GFRA1: variants seen among roughly 807,000 people sequenced by gnomAD.
The protein encoded by GFRA1 is GDNF family receptor alpha-1.
Under a neutral mutation model 51.6 loss-of-function variants are expected in GFRA1, and 16 were observed. The observed-to-expected ratio is 0.31, with a 90% CI of 0.21 to 0.47. GFRA1 has a LOEUF of 0.47. Among genes scored for constraint, GFRA1 ranks in the 20% least tolerant of loss-of-function variants. The probability of loss-of-function intolerance (pLI) is 1.00; values close to 1 mark genes in which losing one functional copy is unlikely to be tolerated. For missense variants in GFRA1, 530 were observed against 594.3 expected, an observed-to-expected ratio of 0.89 and a Z score of 1.13; for synonymous variants, 270 against 241.3, an observed-to-expected ratio of 1.12 and a Z score of -1.10.
rs571239999 is a variant in GFRA1, at chr10:116,059,356, A to C, written c.*5042T>G. On this transcript the variant is annotated 3_prime_UTR_variant, in exon 11 of 11. Coordinates refer to ENST00000355422, the MANE Select transcript of GFRA1 (RefSeq NM_005264.8). ...GAAGAAAATTGGGGATTGGTAAGAAAGCCTAGCCTGAGAGGAAGAGAAGAA... is the reference window on the plus strand; with the variant it reads ...GAAGAAAATTGGGGATTGGTAAGAACGCCTAGCCTGAGAGGAAGAGAAGAA... 2.0e-5 allele frequency: 3 copies of C among 152,372 alleles called. No homozygotes were observed. The South Asian group carries it at 6.2e-4, about 32-fold the overall frequency. 9.4% of individuals were successfully genotyped at this position (152,372 alleles called of 1,614,324 possible). A position where few individuals can be genotyped will look rare whatever the true frequency, so the allele number is the denominator to read the frequency against.
chr10:116,141,162 G>A lies in GFRA1; in HGVS notation c.434-15605C>T, dbSNP rs1302724906. 2.0e-5 allele frequency among the ~76,000 whole-genome samples: 3 copies of A among 152,192 alleles called. No individual in the cohort carries two copies. In the East Asian group the frequency reaches 5.8e-4, roughly 29 times the overall value. Reference sequence around the variant, plus strand: ...GTTGAATGACAGTTACACCTCACACGATTCAGTAAATGGCTTGTGCTGGAT... The same window carrying A: ...GTTGAATGACAGTTACACCTCACACAATTCAGTAAATGGCTTGTGCTGGAT... On this transcript the variant is annotated intron_variant, in intron 5 of 10. Coordinates refer to ENST00000355422, the MANE Select transcript of GFRA1 (RefSeq NM_005264.8).
At chr10:116,143,483 A>G (rs182546220) in intron 5 of GFRA1, among the ~76,000 whole-genome samples, 1 of 152,282 alleles carries the variant, frequency 6.6e-6, no homozygotes, top group African/African-American at 2.4e-5. Context: ...GCCCAAGACA[A>G]TCTACAAACA....
chr10:116,061,131 G>A lies in GFRA1; in HGVS notation c.*3267C>T, dbSNP rs2133741439. 6.6e-6 allele frequency: 1 copy of A among 151,784 alleles called. No individual in the cohort carries two copies. Among genetic ancestry groups the A allele is most frequent in the African/African-American group, 2.4e-5 (1 of 41,460 alleles). The allele number at this position is 151,784 out of a possible 1,614,324, so 9.4% of individuals were successfully genotyped here. ...TCAGAGTGTATGCAAGACAGGAAGT[G>A]TCTGAATATGGACCAAATCAAAGGC... On this transcript the variant is annotated 3_prime_UTR_variant, in exon 11 of 11. Transcript: ENST00000355422.
intron 9 of GFRA1, among the ~76,000 whole-genome samples, chr10:116,082,477 T>G (rs1955892630): frequency 8.2e-6 from 1 of 122,120 alleles, no homozygotes. Flanking sequence ...TTTGTTTTTT[T>G]TGTTTTTTTT....
intron 5 of GFRA1, among the ~76,000 whole-genome samples, chr10:116,164,566 T>G (rs1381749115): frequency 6.6e-6 from 1 of 152,202 alleles, no homozygotes; most frequent in Non-Finnish European, 1.5e-5. Context: ...GTGAACGGTC[T>G]TCTGGAGAGA....
At chr10:116,117,117 G>T (rs1045236933) in intron 6 of GFRA1, among the ~76,000 whole-genome samples, 2 of 152,200 alleles carry the variant, frequency 1.3e-5, no homozygotes, top group African/African-American at 4.8e-5. Flanking sequence ...CCCTTGGGCT[G>T]GCCACTCCAC....
At chr10:116,266,237 T>C (rs1215708705) in intron 4 of GFRA1, among the ~76,000 whole-genome samples, 1 of 152,206 alleles carries the variant, frequency 6.6e-6, no homozygotes, top group Admixed American at 6.5e-5. Context: ...TGGATAAACA[T>C]GCTCTTCATG....
At chr10:116,072,775 C>CAA (rs575832760) in intron 9 of GFRA1, among the ~76,000 whole-genome samples, 16 of 151,830 alleles carry the variant, frequency 1.1e-4, no homozygotes, top group African/African-American at 3.1e-4. Flanking sequence ...CAAAACAAAA[C>CAA]AAAACAAAAA....
intron 5 of GFRA1, among the ~76,000 whole-genome samples, chr10:116,140,617 A>T (rs1276408652): frequency 6.6e-6 from 1 of 152,162 alleles, no homozygotes; most frequent in Non-Finnish European, 1.5e-5. Context: ...GAAATCTAAC[A>T]TATACTCTGA....
At chr10:116,194,644 AT>A (rs11372597) in intron 5 of GFRA1, among the ~76,000 whole-genome samples, 7 of 150,608 alleles carry the variant, frequency 4.6e-5, no homozygotes, top group East Asian at 2.0e-4. Context: ...AGCAACTTTA[AT>A]TTTTTTTTTG....
chr10:116,257,887 C>A (rs1470151275), intron 4 of GFRA1, among the ~76,000 whole-genome samples: 1 of 152,222 alleles, frequency 6.6e-6, no homozygotes, highest in Non-Finnish European at 1.5e-5. Context: ...ACCTGCTGCT[C>A]CAGCCACGGC....
At chr10:116,144,414 A>T (rs1369721795) in intron 5 of GFRA1, among the ~76,000 whole-genome samples, 1 of 152,186 alleles carries the variant, frequency 6.6e-6, no homozygotes, top group Non-Finnish European at 1.5e-5. Flanking sequence ...TAACTAAAAA[A>T]ATGATATGGG....
At chr10:116,180,480 AAAGG>A (rs1214706880) in intron 5 of GFRA1, among the ~76,000 whole-genome samples, 4 of 152,322 alleles carry the variant, frequency 2.6e-5, no homozygotes, top group African/African-American at 9.6e-5. Flanking sequence ...TACTAAATAA[AAAGG>A]ATGGTAACAG....
intron 9 of GFRA1, among the ~76,000 whole-genome samples, chr10:116,081,635 C>T (rs905646799): frequency 1.3e-5 from 2 of 152,152 alleles, no homozygotes; most frequent in African/African-American, 4.8e-5. Flanking sequence ...GAGGATTACT[C>T]AGGGGAGGCA....
At chr10:116,114,012 G>T (rs1030217554) in intron 6 of GFRA1, among the ~76,000 whole-genome samples, 10 of 152,144 alleles carry the variant, frequency 6.6e-5, no homozygotes, top group Non-Finnish European at 4.4e-5. Context: ...GAGCAACTCT[G>T]CCCCCGGGTG....
At position 116,057,509 on chromosome 10, in the gene GFRA1, C is replaced by A. The variant is rs1044662642; in HGVS notation, c.*6889G>T. On this transcript the variant is annotated 3_prime_UTR_variant, in exon 11 of 11. Coordinates refer to ENST00000355422, the MANE Select transcript of GFRA1 (RefSeq NM_005264.8). ...AAATGCAACACCATCCAAAAGAGTA[C>A]AAGAAAAAAACCCCACAGCCTAAAT... 2 of 152,052 alleles carry A rather than the reference C, an allele frequency of 1.3e-5. No homozygotes were observed. The highest frequency in any genetic ancestry group is 4.8e-5 in the African/African-American group (2 of 41,376). 9.4% of individuals were successfully genotyped at this position (152,052 alleles called of 1,614,324 possible).
At chr10:116,260,960 C>T (rs1969256033) in intron 4 of GFRA1, among the ~76,000 whole-genome samples, 1 of 152,188 alleles carries the variant, frequency 6.6e-6, no homozygotes, top group African/African-American at 2.4e-5. Context: ...CTTTTCCTTA[C>T]AGACAACCCT....
rs1218914310 is a variant in GFRA1, at chr10:116,093,109, G to A, written c.1015+593C>T. 3.3e-5 allele frequency among the ~76,000 whole-genome samples: 5 copies of A among 152,056 alleles called. No homozygotes were observed. The East Asian group carries it at 7.7e-4, about 24-fold the overall frequency. Reference sequence around the variant, plus strand: ...CTCCCTCCTCCCCAGTGCTTATCTCGCCTCCAGAGATAACGGGCATCCCGA... The same window carrying A: ...CTCCCTCCTCCCCAGTGCTTATCTCACCTCCAGAGATAACGGGCATCCCGA... On this transcript the variant is annotated intron_variant, in intron 8 of 10. Coordinates refer to ENST00000355422, the MANE Select transcript of GFRA1 (RefSeq NM_005264.8).
chr10:116,144,553 T>C (rs1057460383), intron 5 of GFRA1, among the ~76,000 whole-genome samples: 3 of 152,060 alleles, frequency 2.0e-5, no homozygotes, highest in South Asian at 2.1e-4. Flanking sequence ...CATAATATAA[T>C]ATTCATAATC....
Sources: allele counts gnomAD v4.1 joint callset (sites outside exome capture counted in the v4.1 genomes callset), GRCh38; gene constraint gnomAD v4.1.1; transcripts MANE v1.5; gene names NCBI Gene and HGNC (gene_info 2026-07-23, HGNC 2026-07-21).